The following CCDC38 variants were observed in gnomAD, a reference collection of about 807,000 sequenced individuals.
The protein encoded by CCDC38 is coiled-coil domain-containing protein 38.
Under a neutral mutation model 72.8 loss-of-function variants are expected in CCDC38, and 69 were observed. The ratio of observed to expected loss-of-function variants is 0.95; its 90% CI spans 0.78 to 1.16. The LOEUF (loss-of-function observed/expected upper bound fraction) is 1.16, where lower values mean the gene tolerates loss of function less well. Ranked by LOEUF, CCDC38 falls within the 50% of genes most tolerant of loss-of-function variation. CCDC38 has a pLI of 0.00. For synonymous variants in CCDC38, 201 were observed against 213.2 expected (o/e 0.94, Z 0.50); for missense variants, 626 against 638.9 (o/e 0.98, Z 0.22).
intron 1 of CCDC38, among the ~76,000 whole-genome samples, chr12:95,941,113 C>T (rs2080446158): frequency 6.6e-6 from 1 of 152,170 alleles, no homozygotes; most frequent in South Asian, 2.1e-4. Flanking sequence ...TTTGCAGGAG[C>T]TTATCAGGTA....
rs2079527130 is a variant in CCDC38, at chr12:95,867,107, T to G, written c.1661A>C (p.Lys554Thr). Residue 554 changes from lysine to threonine, a missense_variant, in exon 16 of 16, where the codon AAA becomes ACA. Lys to Thr is a moderately conservative substitution (Grantham distance 78, BLOSUM62 -1). Transcript: ENST00000344280. ...QLPLVNETKT[K>T]SQEEEYFFT is the part of the protein sequence containing the mutation. ...AAAAAAATATTCTTCCTCTTGTGAT[T>G]TTGTTTTTGTTTCATTGACTAAAGG... 5.0e-6 allele frequency: 8 copies of G among 1,602,260 alleles called. No individual in the cohort carries two copies. The highest frequency in any genetic ancestry group is 6.8e-6 in the Non-Finnish European group (8 of 1,171,526).
At chr12:95,881,689 G>T in intron 10 of CCDC38, 135 bp from the exon 11 acceptor site, 1 of 578,680 alleles carries the variant, frequency 1.7e-6, no homozygotes. Flanking sequence ...TAGCCTTTTA[G>T]GGAACTGCTG....
rs527511088 is a variant in CCDC38 at position 95,916,094 on chromosome 12, G to A, written c.304+1035C>T. Among the ~76,000 whole-genome samples, 199 of 152,224 alleles carry A rather than the reference G, an allele frequency of 1.3e-3. No homozygotes were observed. In the Middle Eastern group the frequency reaches 0.014, roughly 10 times the overall value. On this transcript the variant is annotated intron_variant, in intron 4 of 15. Coordinates refer to ENST00000344280, the MANE Select transcript of CCDC38 (RefSeq NM_182496.3). ...GATGACCTAAGGTTTACCACTCTAC[G>A]GAGGCGAACTATGAGGCATGTGATT...
intron 8 of CCDC38, among the ~76,000 whole-genome samples, chr12:95,892,610 G>A (rs2079840851): frequency 1.4e-5 from 2 of 146,880 alleles, no homozygotes; most frequent in South Asian, 4.3e-4. Context: ...TTGAGACAGG[G>A]TCTGCCTGGA....
At chr12:95,936,240 G>A (rs1437291533) in intron 2 of CCDC38, among the ~76,000 whole-genome samples, 2 of 152,082 alleles carry the variant, frequency 1.3e-5, no homozygotes, top group Non-Finnish European at 2.9e-5. Flanking sequence ...CTTGTTTTCT[G>A]TCATGAGAGA....
intron 2 of CCDC38, chr12:95,933,306 G>C (rs1268178682): frequency 6.6e-6 from 1 of 152,102 alleles, no homozygotes; most frequent in East Asian, 1.9e-4. Context: ...ACATAATTGG[G>C]ATATACCACA....
intron 4 of CCDC38, among the ~76,000 whole-genome samples, chr12:95,909,339 G>A (rs1262010892): frequency 6.6e-6 from 1 of 152,098 alleles, no homozygotes. Context: ...AATCTCCCAA[G>A]ATTGAATCAG....
intron 2 of CCDC38, chr12:95,935,585 T>C: frequency 3.9e-6 from 1 of 254,756 alleles, no homozygotes; most frequent in Non-Finnish European, 8.2e-6. Flanking sequence ...ATTTTCTGTC[T>C]CTTGCAGCCA....
chr12:95,886,374 A>G (rs2079759242), intron 10 of CCDC38, among the ~76,000 whole-genome samples: 1 of 152,224 alleles, frequency 6.6e-6, no homozygotes, highest in Admixed American at 6.5e-5. Context: ...CTAAGAAAAA[A>G]TATGGAAAAA....
At chr12:95,908,331 G>A (rs1169694258) in intron 4 of CCDC38, among the ~76,000 whole-genome samples, 1 of 149,940 alleles carries the variant, frequency 6.7e-6, no homozygotes, top group Non-Finnish European at 1.5e-5. Context: ...GCGTGGCGGC[G>A]CGCGCCTGCA....
intron 7 of CCDC38, among the ~76,000 whole-genome samples, chr12:95,895,812 C>A (rs557208197): frequency 7.2e-6 from 1 of 139,832 alleles, no homozygotes; most frequent in East Asian, 2.2e-4. Flanking sequence ...AATCCCAGGA[C>A]TTTGGGAGGC....
intron 2 of CCDC38, among the ~76,000 whole-genome samples, chr12:95,930,597 C>T (rs2080327617): frequency 6.6e-6 from 1 of 152,006 alleles, no homozygotes; most frequent in African/African-American, 2.4e-5. Context: ...TCTTGAGATC[C>T]TTACTTTAAT....
At chr12:95,919,000 G>T in intron 2 of CCDC38, 24 bp from the exon 3 acceptor site, 2 of 1,400,806 alleles carry the variant, frequency 1.4e-6, no homozygotes, top group Non-Finnish European at 2.0e-6. Context: ...AAGAATGAAT[G>T]AATGAATTCT....
intron 10 of CCDC38, among the ~76,000 whole-genome samples, chr12:95,887,554 C>G (rs1898178): frequency 0.74 from 111,979 of 152,124 alleles, 42,006 homozygotes; most frequent in African/African-American, 0.81. Context: ...TGGAATAACA[C>G]AATCATAGAA....
At position 95,927,403 on chromosome 12, in the gene CCDC38, C is replaced by G. The variant is rs571085038; in HGVS notation, c.38-8427G>C. On this transcript the variant is annotated intron_variant, in intron 2 of 15. Transcript: ENST00000344280. ...TTCCATTTGCTTGGTAGATCTTCCT[C>G]CATCCTTTTATTTTGAGCCTATGTG... is the stretch of plus-strand genomic sequence containing the variant. Among the ~76,000 whole-genome samples the G allele has an allele frequency of 1.7e-4, 25 of 149,754 alleles. No individual in the cohort carries two copies. In the South Asian group the frequency reaches 5.2e-3, roughly 31 times the overall value.
In CCDC38 at chr12:95,898,408, G is replaced by A. The variant is rs1428069871; in HGVS notation, c.591C>T (p.Ser197=). 1 of 1,614,144 alleles carries A rather than the reference G, an allele frequency of 6.2e-7. No homozygotes were observed. Among genetic ancestry groups the A allele is most frequent in the African/African-American group, 1.3e-5 (1 of 75,014 alleles). ...ACCTTTTCACTGCTTGTACCTCCAT[G>A]CTTGCTTTCTTCAGCTCTGCTGTCA... is the stretch of plus-strand genomic sequence containing the variant. ...LQMTAELKKA[S]MEVQAVKSEI... is the part of the protein sequence containing the mutation. Residue 197 remains serine (S), a synonymous_variant, in exon 7 of 16, where the codon AGC becomes AGT. Coordinates refer to ENST00000344280, the MANE Select transcript of CCDC38 (RefSeq NM_182496.3).
intron 1 of CCDC38, among the ~76,000 whole-genome samples, chr12:95,938,591 A>G (rs2080417588): frequency 6.6e-6 from 1 of 152,242 alleles, no homozygotes. Flanking sequence ...TATATAGTTC[A>G]TATAACATGT....
At chr12:95,872,527 A>G (rs554667599) in intron 13 of CCDC38, 67 bp from the exon 14 acceptor site, 68 of 1,000,042 alleles carry the variant, frequency 6.8e-5, no homozygotes, top group Non-Finnish European at 9.8e-5. Flanking sequence ...CCATTTTACT[A>G]TATTACAGTA....
chr12:95,899,865 T>G (rs2079932389), intron 5 of CCDC38, among the ~76,000 whole-genome samples: 1 of 152,086 alleles, frequency 6.6e-6, no homozygotes, highest in Non-Finnish European at 1.5e-5. Context: ...GTATGGAGTG[T>G]CCATTCTAGA....
Sources: allele counts gnomAD v4.1 joint callset (sites outside exome capture counted in the v4.1 genomes callset), GRCh38; gene constraint gnomAD v4.1.1; transcripts MANE v1.5; gene names NCBI Gene and HGNC (gene_info 2026-07-23, HGNC 2026-07-21).